Variants in SLC38A6 observed in about 807,000 individuals in gnomAD.
SLC38A6 encodes the protein N system amino acid transporter NAT-1.
SLC38A6 carries 73 observed loss-of-function variants against 65.0 expected under a neutral mutation model. That is an observed-to-expected ratio of 1.12 (90% confidence interval 0.93 to 1.37). SLC38A6 has a LOEUF of 1.37. SLC38A6 is among the 40% of genes most tolerant of loss of function. SLC38A6 has a pLI of 0.00. For synonymous variants in SLC38A6, 183 were observed against 178.8 expected (o/e 1.02, Z -0.19); for missense variants, 561 against 531.1 (o/e 1.06, Z -0.55).
In SLC38A6 at chr14:60,982,629, T is replaced by C. The variant is rs780575944; in HGVS notation, c.227T>C (p.Phe76Ser). ...TATGTTTTGGCTAATACCGGTGTCTTTGGATTTAGGTGAGTCTTCATATTT... is the reference window on the plus strand; with the variant it reads ...TATGTTTTGGCTAATACCGGTGTCTCTGGATTTAGGTGAGTCTTCATATTT... ...LAYVLANTGV[F>S]GFSFLLLTVA... Residue 76 changes from phenylalanine to serine, a missense_variant, in exon 2 of 16, where the codon TTT (phenylalanine) becomes TCT (serine). Transcript: ENST00000267488. 1.9e-6 allele frequency: 3 copies of C among 1,608,490 alleles called. No homozygotes were observed. The South Asian group carries it at 3.4e-5, about 18-fold the overall frequency.
intron 3 of SLC38A6, among the ~76,000 whole-genome samples, chr14:60,999,096 A>G (rs966877943): frequency 1.3e-5 from 2 of 152,242 alleles, no homozygotes; most frequent in Non-Finnish European, 2.9e-5. Context: ...AAAGGAGAAA[A>G]TTAAACTGGA....
intron 16 of SLC38A6, among the ~76,000 whole-genome samples, chr14:61,082,682 C>G: frequency 6.6e-6 from 1 of 152,164 alleles, no homozygotes; most frequent in East Asian, 1.9e-4. Flanking sequence ...AGGGTCAGGC[C>G]TGCCCTAGGT....
chr14:61,017,373 T>C (rs2040080942), intron 4 of SLC38A6, among the ~76,000 whole-genome samples: 1 of 152,136 alleles, frequency 6.6e-6, no homozygotes, highest in East Asian at 1.9e-4. Context: ...AAGGAATGCT[T>C]AAATCATATA....
At chr14:60,981,712 AT>A (rs1307057572) in intron 1 of SLC38A6, 1 of 1,322,274 alleles carries the variant, frequency 7.6e-7, no homozygotes, top group Non-Finnish European at 9.9e-7. Context: ...TTGTCACCTT[AT>A]TTTCTCCACC....
intron 6 of SLC38A6, among the ~76,000 whole-genome samples, chr14:61,035,243 A>G (rs2041274207): frequency 6.6e-6 from 1 of 152,210 alleles, no homozygotes; most frequent in Non-Finnish European, 1.5e-5. Flanking sequence ...AAATTGAGAA[A>G]AAAAAGCAAA....
chr14:61,029,194 C>T (rs1451427191), intron 5 of SLC38A6, among the ~76,000 whole-genome samples: 2 of 141,318 alleles, frequency 1.4e-5, no homozygotes, highest in Non-Finnish European at 3.0e-5. Flanking sequence ...TTTGCTCTTT[C>T]ACCCAGGCTG....
intron 5 of SLC38A6, 45 bp from the exon 6 acceptor site, chr14:61,030,400 A>C (rs769822830): frequency 7.1e-7 from 1 of 1,416,830 alleles, no homozygotes; most frequent in South Asian, 1.2e-5. Flanking sequence ...TTAAATGGTT[A>C]AGAATCATAG....
intron 4 of SLC38A6, among the ~76,000 whole-genome samples, chr14:61,018,387 A>G (rs1294643576): frequency 6.6e-6 from 1 of 152,202 alleles, no homozygotes; most frequent in Non-Finnish European, 1.5e-5. Flanking sequence ...CCACATCTCC[A>G]AAGACACTTT....
At chr14:61,061,823 G>T (rs1010118696) in intron 15 of SLC38A6, among the ~76,000 whole-genome samples, 2 of 151,678 alleles carry the variant, frequency 1.3e-5, no homozygotes, top group East Asian at 1.9e-4. Context: ...TCGTGTGCAG[G>T]TTTTTTTGTT....
At chr14:61,063,228 G>C (rs1566724165) in intron 15 of SLC38A6, among the ~76,000 whole-genome samples, 1 of 151,890 alleles carries the variant, frequency 6.6e-6, no homozygotes, top group Non-Finnish European at 1.5e-5. Flanking sequence ...TGTTCTACTT[G>C]GTAGAATTTA....
At chr14:60,998,868 C>G (rs966387091) in intron 3 of SLC38A6, among the ~76,000 whole-genome samples, 1 of 152,218 alleles carries the variant, frequency 6.6e-6, no homozygotes, top group Non-Finnish European at 1.5e-5. Context: ...AGGCCCTGCC[C>G]TTCGTGGGGG....
chr14:61,082,120 C>T (rs992729005), intron 16 of SLC38A6, among the ~76,000 whole-genome samples: 5 of 152,136 alleles, frequency 3.3e-5, no homozygotes, highest in African/African-American at 4.8e-5. Context: ...CACAGTGTCC[C>T]CCAAAGTGTG....
intron 15 of SLC38A6, among the ~76,000 whole-genome samples, chr14:61,069,179 A>G (rs1243970860): frequency 1.3e-5 from 2 of 152,138 alleles, no homozygotes; most frequent in Non-Finnish European, 2.9e-5. Flanking sequence ...ACTCCAATGC[A>G]CAACTACTGG....
At chr14:60,990,953 G>A (rs914062659) in intron 3 of SLC38A6, among the ~76,000 whole-genome samples, 9 of 152,120 alleles carry the variant, frequency 5.9e-5, no homozygotes, top group African/African-American at 2.2e-4. Context: ...GAGTGCTTGG[G>A]ATTACAGGCA....
chr14:61,010,015 C>T (rs555217135), intron 3 of SLC38A6, among the ~76,000 whole-genome samples: 1 of 152,306 alleles, frequency 6.6e-6, no homozygotes, highest in East Asian at 1.9e-4. Flanking sequence ...AAAAGTGTTC[C>T]TATTTTTCCA....
chr14:61,037,304 C>G (rs2041459704), intron 7 of SLC38A6, among the ~76,000 whole-genome samples, 163 bp downstream of exon 7: 1 of 152,148 alleles, frequency 6.6e-6, no homozygotes, highest in Admixed American at 6.6e-5. Flanking sequence ...TTAGGTTGTT[C>G]AGCCTTCAGC....
At chr14:61,037,259 T>C in intron 7 of SLC38A6, 118 bp downstream of exon 7, 2 of 707,626 alleles carry the variant, frequency 2.8e-6, no homozygotes, top group Non-Finnish European at 2.3e-6. Context: ...GGCAGAAGGA[T>C]GGTGGTTGTG....
chr14:61,045,281 C>T (rs1341334510), intron 10 of SLC38A6, 65 bp from the exon 11 acceptor site: 1 of 1,026,750 alleles, frequency 9.7e-7, no homozygotes, highest in African/African-American at 1.6e-5. Context: ...AGTTTGTTGT[C>T]AAATGAAATA....
At position 61,050,604 on chromosome 14, in the gene SLC38A6, G is replaced by T; in HGVS notation, c.1018G>T (p.Val340Leu). Reference protein sequence around the residue: ...MTVKLCILFAVLLTVPLIHFP... With the variant: ...MTVKLCILFALLLTVPLIHFP... ...TGTGAAGTTATGCATACTATTTGCT[G>T]TGCTTTTGACAGTCCCTCTAATCCA... The change falls in exon 13 of 16, where the codon GTG becomes TTG. Residue 340 changes from valine (V) to leucine (L), a missense_variant. Physicochemically the swap from Val to Leu is conservative, Grantham distance 32. Transcript: ENST00000267488. The T allele has an allele frequency of 6.3e-7, 1 of 1,596,778 alleles. No individual in the cohort carries two copies. The highest frequency in any genetic ancestry group is 8.6e-7 in the Non-Finnish European group (1 of 1,168,344).
Sources: gnomAD v4.1 joint callset for allele counts (sites outside exome capture counted in the v4.1 genomes callset) on GRCh38, gnomAD v4.1.1 for gene constraint, MANE v1.5 for transcripts, NCBI Gene and HGNC (gene_info 2026-07-23, HGNC 2026-07-21) for gene names.